Variants in KDELR1 observed in about 807,000 individuals in gnomAD.
KDELR1 encodes the protein ER lumen protein-retaining receptor 1.
A neutral mutation model predicts 25.5 loss-of-function variants in KDELR1; 16 were observed. That is an observed-to-expected ratio of 0.63 (90% CI 0.43 to 0.95). The LOEUF (loss-of-function observed/expected upper bound fraction) is 0.95, where lower values mean the gene tolerates loss of function less well. Ranked by LOEUF, KDELR1 falls within the 40% of genes least tolerant of loss-of-function variation. KDELR1 has a pLI of 0.00. For synonymous variants in KDELR1, 121 were observed against 115.0 expected, an observed-to-expected ratio of 1.05 and a Z score of -0.33; for missense variants, 159 against 265.2, an observed-to-expected ratio of 0.60 and a Z score of 2.78.
chr19:48,387,604 C>T (rs1970506634), intron 3 of KDELR1, among the ~76,000 whole-genome samples: 1 of 150,848 alleles, frequency 6.6e-6, no homozygotes, highest in Admixed American at 6.6e-5. Flanking sequence ...AACGCTTGAC[C>T]TGGGAGGCAG....
At chr19:48,390,680 C>T (rs1970540975) in intron 1 of KDELR1, 156 bp from the exon 2 acceptor site, 3 of 596,870 alleles carry the variant, frequency 5.0e-6, no homozygotes, top group East Asian at 5.8e-5. Context: ...CTGGAGGCAG[C>T]TCTGGAGTGC....
chr19:48,392,737 C>T (rs1970574117), upstream of KDELR1, among the ~76,000 whole-genome samples: 1 of 152,212 alleles, frequency 6.6e-6, no homozygotes, highest in African/African-American at 2.4e-5. Flanking sequence ...GCCCCTGGCC[C>T]TGGCTTCCCC....
Position 48,389,551 on chromosome 19 carries a change from A to G in KDELR1, c.351+2T>C, listed in dbSNP as rs1299521369. 2.5e-6 allele frequency: 4 copies of G among 1,613,852 alleles called. No individual in the cohort carries two copies. The highest frequency in any genetic ancestry group is 1.1e-5 in the South Asian group (1 of 91,092). On this transcript the variant is annotated splice_donor_variant, in intron 3 of 4. Coordinates refer to ENST00000330720, the MANE Select transcript of KDELR1 (RefSeq NM_006801.3). LOFTEE classifies it high-confidence loss of function. ...AATAAGGAGTCACAGCAAGGCGCCT[A>G]CCTCCAGAGGGGTGAAGTCATGATT...
At chr19:48,393,721 G>A (rs912792879), upstream of KDELR1, among the ~76,000 whole-genome samples, 1 of 152,166 alleles carries the variant, frequency 6.6e-6, no homozygotes, top group East Asian at 1.9e-4. This position sits in a 1 kb window ranked among gnomAD's most constrained non-coding sequence, Gnocchi z 5.6. Flanking sequence ...AGTCCCTCCC[G>A]CTCCAGCTCC....
At position 48,387,454 on chromosome 19, in the gene KDELR1, G is replaced by A. The variant is rs184806467; in HGVS notation, c.351+2099C>T. 1.5e-4 allele frequency among the ~76,000 whole-genome samples: 23 copies of A among 152,216 alleles called. No individual in the cohort carries two copies. The East Asian group carries it at 2.9e-3, about 19-fold the overall frequency. ...TCCTAGCACTTTGGGAAGCTGAGAT[G>A]GGAGAATTGCTTAAGACCAGGAGTT... On this transcript the variant is annotated intron_variant, in intron 3 of 4. Coordinates refer to ENST00000330720, the MANE Select transcript of KDELR1 (RefSeq NM_006801.3).
upstream of KDELR1, among the ~76,000 whole-genome samples, chr19:48,394,121 C>T (rs1970600618): frequency 6.6e-6 from 1 of 152,090 alleles, no homozygotes; most frequent in African/African-American, 2.4e-5. The surrounding 1 kb of genome is among the most constrained non-coding windows in gnomAD (Gnocchi z 5.1). Flanking sequence ...CTGTGTCCTC[C>T]TGTCTGTCCA....
At chr19:48,392,092 C>G (rs1970563271), upstream of KDELR1, among the ~76,000 whole-genome samples, 1 of 148,000 alleles carries the variant, frequency 6.8e-6, no homozygotes, top group African/African-American at 2.5e-5. Flanking sequence ...CCCTCAGATC[C>G]AGGAGTCCAG....
chr19:48,396,637 C>T, the KDELR1 span, among the ~76,000 whole-genome samples: 1 of 151,798 alleles, frequency 6.6e-6, no homozygotes, highest in African/African-American at 2.4e-5. Context: ...AAGCCAGGAT[C>T]GGGGAGGGAT....
chr19:48,389,656 T>C lies in KDELR1; in HGVS notation c.248A>G (p.Lys83Arg). 2 of 1,614,106 alleles carry C rather than the reference T, an allele frequency of 1.2e-6. No homozygotes were observed. The highest frequency in any genetic ancestry group is 1.7e-6 in the Non-Finnish European group (2 of 1,179,960). ...GTCATGGTTCCCATCGTAAGTAGCTTTGAACTTGCTATAAATCAACCAGAC... is the reference window on the plus strand; with the variant it reads ...GTCATGGTTCCCATCGTAAGTAGCTCTGAACTTGCTATAAATCAACCAGAC... The part of the protein sequence containing the change: ...TTVWLIYSKF[K>R]ATYDGNHDTF... The change falls in exon 3 of 5, where the codon AAA becomes AGA. Residue 83 changes from lysine to arginine, a missense_variant. Physicochemically the swap from Lys to Arg is conservative, Grantham distance 26. Transcript: ENST00000330720.
At chr19:48,391,119 G>A in intron 1 of KDELR1, 149 bp downstream of exon 1, 1 of 710,486 alleles carries the variant, frequency 1.4e-6, no homozygotes, top group Non-Finnish European at 2.4e-6. Flanking sequence ...TGATCCCCTG[G>A]AGACCCAGAA....
upstream of KDELR1, among the ~76,000 whole-genome samples, chr19:48,391,739 G>A (rs1970556758): frequency 6.6e-6 from 1 of 152,150 alleles, no homozygotes; most frequent in Non-Finnish European, 1.5e-5. Flanking sequence ...ATCCAGCACC[G>A]GTTCGCCCAG....
Position 48,383,148 on chromosome 19 carries a change from C to T in KDELR1, c.*145G>A. 1 of 818,658 alleles carries T rather than the reference C, an allele frequency of 1.2e-6. No homozygotes were observed. Among genetic ancestry groups the T allele is most frequent in the Non-Finnish European group, 2.0e-6 (1 of 501,918 alleles). The allele number at this position is 818,658 out of a possible 1,614,324, so 50.7% of individuals were successfully genotyped here. On this transcript the variant is annotated 3_prime_UTR_variant, in exon 5 of 5. Coordinates refer to ENST00000330720, the MANE Select transcript of KDELR1 (RefSeq NM_006801.3). ...CCCAAGACCTGGATCCTCCACTGTC[C>T]CCCTGAAACCCGGCAGGAGGCGGGA...
At chr19:48,389,783 C>G in intron 2 of KDELR1, 72 bp from the exon 3 acceptor site, 1 of 1,533,738 alleles carries the variant, frequency 6.5e-7, no homozygotes, top group African/African-American at 1.4e-5. Flanking sequence ...AGCCCGGAGT[C>G]CAGGCCCCTC....
At chr19:48,396,517 G>T (rs531010522), upstream of KDELR1, among the ~76,000 whole-genome samples, 1 of 151,866 alleles carries the variant, frequency 6.6e-6, no homozygotes, top group African/African-American at 2.4e-5. Context: ...TTAACCCCGC[G>T]GGGGCCAGGC....
Position 48,384,197 on chromosome 19 carries a change from G to A in KDELR1, c.604+33C>T. On this transcript the variant is annotated intron_variant, in intron 4 of 4. Transcript: ENST00000330720. This position sits in a 1 kb window ranked among gnomAD's most constrained non-coding sequence, Gnocchi z 4.6. The stretch of plus-strand genomic sequence containing the variant: ...GAGGGCAGGAGCTGCAGAAATAGGA[G>A]GTTCCCTTCCAGCCGTCCCACATTC... 6.2e-7 allele frequency: 1 copy of A among 1,610,342 alleles called. No individual in the cohort carries two copies. The highest frequency in any genetic ancestry group is 2.2e-5 in the East Asian group (1 of 44,790).
chr19:48,389,546 C>A lies in KDELR1; in HGVS notation c.351+7G>T, dbSNP rs376109942. The A allele has an allele frequency of 1.1e-4, 171 of 1,613,910 alleles. No individual in the cohort carries two copies. In the African/African-American group the frequency reaches 1.9e-3, roughly 18 times the overall value. On this transcript the variant is annotated splice_region_variant and intron_variant, in intron 3 of 4. Coordinates refer to ENST00000330720, the MANE Select transcript of KDELR1 (RefSeq NM_006801.3). Reference sequence around the variant, plus strand: ...CCCCAAATAAGGAGTCACAGCAAGGCGCCTACCTCCAGAGGGGTGAAGTCA... The same window carrying A: ...CCCCAAATAAGGAGTCACAGCAAGGAGCCTACCTCCAGAGGGGTGAAGTCA...
At position 48,384,093 on chromosome 19, in the gene KDELR1, G is replaced by T; in HGVS notation, c.604+137C>A. Reference sequence around the variant, plus strand: ...GTCTGAATTCCTAGGAGGATGGTAGGCCTGCCACCCCAGAAACCCGGCGAA... The same window carrying T: ...GTCTGAATTCCTAGGAGGATGGTAGTCCTGCCACCCCAGAAACCCGGCGAA... On this transcript the variant is annotated intron_variant, in intron 4 of 4. Coordinates refer to ENST00000330720, the MANE Select transcript of KDELR1 (RefSeq NM_006801.3). The surrounding 1 kb of genome is among the most constrained non-coding windows in gnomAD (Gnocchi z 4.6). 7.5e-6 allele frequency: 8 copies of T among 1,069,636 alleles called. No homozygotes were observed. Among genetic ancestry groups the T allele is most frequent in the Non-Finnish European group, 1.1e-5 (8 of 745,010 alleles). 66.3% of individuals were successfully genotyped at this position (1,069,636 alleles called of 1,614,324 possible). A position where few individuals can be genotyped will look rare whatever the true frequency, so the allele number is the denominator to read the frequency against.
intron 2 of KDELR1, 61 bp from the exon 3 acceptor site, chr19:48,389,772 G>A (rs1238885098): frequency 6.3e-7 from 1 of 1,585,094 alleles, no homozygotes; most frequent in South Asian, 1.1e-5. Context: ...AGTAGGCTCA[G>A]AGCCCGGAGT....
chr19:48,385,392 A>T (rs1970487509), intron 3 of KDELR1, among the ~76,000 whole-genome samples: 1 of 152,162 alleles, frequency 6.6e-6, no homozygotes, highest in South Asian at 2.1e-4. Context: ...TCGCACCAGC[A>T]ATTGAGCTCT....
Sources: allele counts gnomAD v4.1 joint callset (sites outside exome capture counted in the v4.1 genomes callset), GRCh38; gene constraint gnomAD v4.1.1; non-coding constraint Gnocchi (gnomAD v3.1); transcripts MANE v1.5; gene names NCBI Gene and HGNC (gene_info 2026-07-23, HGNC 2026-07-21).